Variants in KIRREL3 observed in about 807,000 individuals in gnomAD.
KIRREL3 encodes the protein kin of IRRE-like protein 3.
A neutral mutation model predicts 89.7 loss-of-function variants in KIRREL3; 36 were observed. The ratio of observed to expected loss-of-function variants is 0.40; its 90% CI spans 0.31 to 0.53. KIRREL3 has a LOEUF of 0.53. KIRREL3 is among the 20% of genes least tolerant of loss of function. The pLI is 0.49. For synonymous variants in KIRREL3, 445 were observed against 441.4 expected, an observed-to-expected ratio of 1.01 and a Z score of -0.10; for missense variants, 864 against 1,056.6, an observed-to-expected ratio of 0.82 and a Z score of 2.53.
At position 126,550,237 on chromosome 11, in the gene KIRREL3, G is replaced by A. The variant is rs1034670406; in HGVS notation, c.133+12598C>T. On this transcript the variant is annotated intron_variant, in intron 2 of 16. Transcript: ENST00000525144. The surrounding 1 kb of genome is among the most constrained non-coding windows in gnomAD (Gnocchi z 4.9). ...TTTACACACACTGGTACTTGGCAGGGATATGGAACCAGATGACCTTTGGTC... is the reference window on the plus strand; with the variant it reads ...TTTACACACACTGGTACTTGGCAGGAATATGGAACCAGATGACCTTTGGTC... 1 of 152,238 alleles carries A rather than the reference G, an allele frequency of 6.6e-6. No individual in the cohort carries two copies. Among genetic ancestry groups the A allele is most frequent in the African/African-American group, 2.4e-5 (1 of 41,446 alleles). 9.4% of individuals were successfully genotyped at this position (152,238 alleles called of 1,614,324 possible).
intron 10 of KIRREL3, among the ~76,000 whole-genome samples, chr11:126,444,250 G>A (rs1197299067): frequency 6.6e-6 from 1 of 152,218 alleles, no homozygotes; most frequent in Non-Finnish European, 1.5e-5. Context: ...TGAACACGTG[G>A]CCTCGTGGAG....
intron 8 of KIRREL3, among the ~76,000 whole-genome samples, chr11:126,448,504 C>G (rs977002610): frequency 1.3e-5 from 2 of 152,172 alleles, no homozygotes; most frequent in African/African-American, 4.8e-5. Context: ...TGTCCCCCGT[C>G]AACCCTGCAA....
At chr11:126,932,363 C>A (rs1947986391) in intron 1 of KIRREL3, among the ~76,000 whole-genome samples, 1 of 152,182 alleles carries the variant, frequency 6.6e-6, no homozygotes, top group South Asian at 2.1e-4. Flanking sequence ...TCGGCCCGCA[C>A]AGAAAGGGCA....
In KIRREL3 at chr11:126,991,232, C is replaced by T. The variant is rs1379473476; in HGVS notation, c.55+9223G>A. On this transcript the variant is annotated intron_variant, in intron 1 of 16. Coordinates refer to ENST00000525144, the MANE Select transcript of KIRREL3 (RefSeq NM_032531.4). This position sits in a 1 kb window ranked among gnomAD's most constrained non-coding sequence, Gnocchi z 5.8. ...TCCTGCAGGGCACGTCCACACTTCA[C>T]TTAGTCAGGTTCTTCTTCTGCCTCC... Among the ~76,000 whole-genome samples, 2 of 152,180 alleles carry T rather than the reference C, an allele frequency of 1.3e-5. No homozygotes were observed. The highest frequency in any genetic ancestry group is 3.9e-4 in the East Asian group (2 of 5,194).
chr11:126,490,330 G>T lies in KIRREL3; in HGVS notation c.434-16864C>A, dbSNP rs911206897. Among the ~76,000 whole-genome samples, 1 of 152,196 alleles carries T rather than the reference G, an allele frequency of 6.6e-6. No individual in the cohort carries two copies. The highest frequency in any genetic ancestry group is 1.5e-5 in the Non-Finnish European group (1 of 68,042). ...ATTCACTGGACACAGCCGCTAGGGA[G>T]AGGTGAGCAGAGCTTTCTCCCCATG... On this transcript the variant is annotated intron_variant, in intron 4 of 16. Coordinates refer to ENST00000525144, the MANE Select transcript of KIRREL3 (RefSeq NM_032531.4). This position sits in a 1 kb window ranked among gnomAD's most constrained non-coding sequence, Gnocchi z 4.2.
At chr11:126,542,731 T>C (rs1400924243) in intron 2 of KIRREL3, among the ~76,000 whole-genome samples, 2 of 152,212 alleles carry the variant, frequency 1.3e-5, no homozygotes, top group African/African-American at 4.8e-5. Flanking sequence ...TTGGACCTTA[T>C]GCAAATAAGA....
intron 1 of KIRREL3, among the ~76,000 whole-genome samples, chr11:126,942,892 C>A (rs970306088): frequency 2.6e-5 from 4 of 152,212 alleles, no homozygotes; most frequent in Admixed American, 1.3e-4. Flanking sequence ...TGTTTGTAAA[C>A]TCCTCTACAG....
chr11:126,904,224 C>T lies in KIRREL3; in HGVS notation c.55+96231G>A, dbSNP rs1454849883. On this transcript the variant is annotated intron_variant, in intron 1 of 16. Transcript: ENST00000525144. The surrounding 1 kb of genome is among the most constrained non-coding windows in gnomAD (Gnocchi z 4.4). The stretch of plus-strand genomic sequence containing the variant: ...AGGACTATTTTTATCATTTGGACAC[C>T]GAACTTCAGATGAGATATTCCAAGT... 6.6e-6 allele frequency among the ~76,000 whole-genome samples: 1 copy of T among 152,126 alleles called. No homozygotes were observed. Among genetic ancestry groups the T allele is most frequent in the African/African-American group, 2.4e-5 (1 of 41,420 alleles).
intron 1 of KIRREL3, among the ~76,000 whole-genome samples, chr11:126,914,373 G>A (rs532906674): frequency 1.3e-3 from 202 of 152,344 alleles, no homozygotes; most frequent in African/African-American, 4.5e-3. Context: ...AAAGAATGAT[G>A]AGACATGGTT....
rs929249475 is a variant in KIRREL3, at chr11:126,641,967, T to A, written c.56-79055A>T. 3.9e-5 allele frequency among the ~76,000 whole-genome samples: 6 copies of A among 152,086 alleles called. No individual in the cohort carries two copies. The highest frequency in any genetic ancestry group is 1.4e-4 in the African/African-American group (6 of 41,412). On this transcript the variant is annotated intron_variant, in intron 1 of 16. Transcript: ENST00000525144. The surrounding 1 kb of genome is among the most constrained non-coding windows in gnomAD (Gnocchi z 5.0). Reference sequence around the variant, plus strand: ...AGTTAGGGAAGGATCCTCTCTCCATTATATGAAAAGTAGGTGTCTAGTGGG... The same window carrying A: ...AGTTAGGGAAGGATCCTCTCTCCATAATATGAAAAGTAGGTGTCTAGTGGG...
chr11:126,628,766 C>T lies in KIRREL3; in HGVS notation c.56-65854G>A, dbSNP rs1487602988. ...CCTATTCATCAGATTTCCTGGAGCC[C>T]AGCCTGCTACCTGGAGCCAGGGCCT... is the stretch of plus-strand genomic sequence containing the variant. On this transcript the variant is annotated intron_variant, in intron 1 of 16. Transcript: ENST00000525144. This position sits in a 1 kb window ranked among gnomAD's most constrained non-coding sequence, Gnocchi z 5.2. Among the ~76,000 whole-genome samples the T allele has an allele frequency of 6.6e-6, 1 of 152,290 alleles. No homozygotes were observed. The highest frequency in any genetic ancestry group is 1.9e-4 in the East Asian group (1 of 5,170).
At position 126,797,293 on chromosome 11, in the gene KIRREL3, A is replaced by T. The variant is rs964048320; in HGVS notation, c.55+203162T>A. On this transcript the variant is annotated intron_variant, in intron 1 of 16. Coordinates refer to ENST00000525144, the MANE Select transcript of KIRREL3 (RefSeq NM_032531.4). The surrounding 1 kb of genome is among the most constrained non-coding windows in gnomAD (Gnocchi z 4.9). ...AATTTCTCATCTATGAAATAGACTA[A>T]TAACAACATTGTTTCAAAGAGCTGT... is the stretch of plus-strand genomic sequence containing the variant. 3.3e-5 allele frequency among the ~76,000 whole-genome samples: 5 copies of T among 152,220 alleles called. No individual in the cohort carries two copies. The highest frequency in any genetic ancestry group is 9.6e-5 in the African/African-American group (4 of 41,452).
intron 1 of KIRREL3, among the ~76,000 whole-genome samples, chr11:126,774,063 G>C (rs1262070166): frequency 6.6e-6 from 1 of 152,142 alleles, no homozygotes; most frequent in African/African-American, 2.4e-5. Context: ...AAGGAAAGGA[G>C]GGAGGAGAAA....
chr11:126,740,519 A>C lies in KIRREL3; in HGVS notation c.56-177607T>G, dbSNP rs1344396803. ...CCCCCCACTCACAGATCCCTCTCCT[A>C]CCCAGGAGACATGTTCCTTATATTT... On this transcript the variant is annotated intron_variant, in intron 1 of 16. Transcript: ENST00000525144. This position sits in a 1 kb window ranked among gnomAD's most constrained non-coding sequence, Gnocchi z 6.0. Among the ~76,000 whole-genome samples the C allele has an allele frequency of 6.6e-6, 1 of 152,162 alleles. No homozygotes were observed. Among genetic ancestry groups the C allele is most frequent in the Non-Finnish European group, 1.5e-5 (1 of 68,034 alleles).
At chr11:126,713,568 G>A (rs1947843752) in intron 1 of KIRREL3, among the ~76,000 whole-genome samples, 1 of 152,174 alleles carries the variant, frequency 6.6e-6, no homozygotes, top group Admixed American at 6.5e-5. Context: ...AGGTGATGAG[G>A]AGGGAAAGAC....
chr11:126,937,170 G>A (rs1948224137), intron 1 of KIRREL3: 1 of 152,118 alleles, frequency 6.6e-6, no homozygotes, highest in African/African-American at 2.4e-5. Flanking sequence ...AATGAAACAG[G>A]ATAACCTCCA....
intron 1 of KIRREL3, among the ~76,000 whole-genome samples, chr11:126,929,476 A>T (rs1425648825): frequency 6.6e-6 from 1 of 152,188 alleles, no homozygotes; most frequent in Non-Finnish European, 1.5e-5. Context: ...GGAATGCAGA[A>T]TTTTCTGACT....
rs1416135876 is a variant in KIRREL3, at chr11:126,492,190, GA to G, written c.434-18725del. Among the ~76,000 whole-genome samples, 1 of 152,212 alleles carries G rather than the reference GA, an allele frequency of 6.6e-6. No homozygotes were observed. Among genetic ancestry groups the G allele is most frequent in the Non-Finnish European group, 1.5e-5 (1 of 68,046 alleles). Reference sequence around the variant, plus strand: ...ATCTATAGACAGTCTCCTCTTCACTGAAAGGGGAAGATGGGCTCAGGCTGCA... The same window carrying G: ...ATCTATAGACAGTCTCCTCTTCACTGAAGGGGAAGATGGGCTCAGGCTGCA... On this transcript the variant is annotated intron_variant, in intron 4 of 16. Transcript: ENST00000525144. The surrounding 1 kb of genome is among the most constrained non-coding windows in gnomAD (Gnocchi z 4.8).
rs1420345424 is a variant in KIRREL3 at position 126,570,188 on chromosome 11, T to G, written c.56-7276A>C. Among the ~76,000 whole-genome samples the G allele has an allele frequency of 6.6e-6, 1 of 152,230 alleles. No individual in the cohort carries two copies. Among genetic ancestry groups the G allele is most frequent in the Non-Finnish European group, 1.5e-5 (1 of 68,038 alleles). ...ATTTTTGGATCTCATTGCTTGCTAA[T>G]TCTAAGTTTACTAAATAACTATAAA... On this transcript the variant is annotated intron_variant, in intron 1 of 16. Transcript: ENST00000525144. The surrounding 1 kb of genome is among the most constrained non-coding windows in gnomAD (Gnocchi z 6.1).
Sources: gnomAD v4.1 joint callset for allele counts (sites outside exome capture counted in the v4.1 genomes callset) on GRCh38, gnomAD v4.1.1 for gene constraint, Gnocchi (gnomAD v3.1) non-coding constraint, MANE v1.5 for transcripts, NCBI Gene and HGNC (gene_info 2026-07-23, HGNC 2026-07-21) for gene names.